FHIT: variants seen among roughly 807,000 people sequenced by gnomAD.
The protein encoded by FHIT is fragile histidine triad diadenosine triphosphatase.
A neutral mutation model predicts 17.9 loss-of-function variants in FHIT; 19 were observed. That is an observed-to-expected ratio of 1.06 (90% confidence interval 0.74 to 1.56). The LOEUF is 1.56. Among genes scored for constraint, FHIT ranks in the 40% most tolerant of loss-of-function variants. FHIT has a pLI of 0.00. For missense variants in FHIT, 248 were observed against 189.2 expected, an observed-to-expected ratio of 1.31 and a Z score of -1.82; for synonymous variants, 81 against 69.7, an observed-to-expected ratio of 1.16 and a Z score of -0.81.
intron 8 of FHIT, among the ~76,000 whole-genome samples, chr3:59,856,773 T>A (rs1267570380): frequency 6.6e-6 from 1 of 151,936 alleles, no homozygotes; most frequent in Non-Finnish European, 1.5e-5. Flanking sequence ...ATTAAGGAAG[T>A]AAACAATATA....
intron 3 of FHIT, among the ~76,000 whole-genome samples, chr3:60,968,006 A>C (rs1355593340): frequency 6.6e-6 from 1 of 152,278 alleles, no homozygotes; most frequent in African/African-American, 2.4e-5. Flanking sequence ...TCAACTAAAA[A>C]AAAATTAGTA....
chr3:60,551,010 G>A (rs554872116), intron 4 of FHIT, among the ~76,000 whole-genome samples: 1 of 152,160 alleles, frequency 6.6e-6, no homozygotes, highest in Non-Finnish European at 1.5e-5. Context: ...TCTCACGTTT[G>A]ATCTGCGAGT....
intron 5 of FHIT, among the ~76,000 whole-genome samples, chr3:60,166,562 G>T (rs1358637452): frequency 6.6e-6 from 1 of 152,096 alleles, no homozygotes; most frequent in African/African-American, 2.4e-5. Context: ...ATCTCCAGTG[G>T]AAAGATGAAG....
At chr3:59,824,139 A>C (rs1700894991) in intron 8 of FHIT, among the ~76,000 whole-genome samples, 1 of 152,204 alleles carries the variant, frequency 6.6e-6, no homozygotes, top group South Asian at 2.1e-4. Flanking sequence ...CCTAACCAAG[A>C]GGTGAAAGAG....
chr3:60,866,890 A>G (rs1308875338), intron 3 of FHIT, among the ~76,000 whole-genome samples: 2 of 152,014 alleles, frequency 1.3e-5, no homozygotes, highest in Non-Finnish European at 2.9e-5. Flanking sequence ...GGTTCCTGTG[A>G]TTTTTCCTCT....
intron 4 of FHIT, among the ~76,000 whole-genome samples, chr3:60,806,969 ACCT>A (rs1397227574): frequency 6.6e-6 from 1 of 152,150 alleles, no homozygotes; most frequent in African/African-American, 2.4e-5. Flanking sequence ...AACATCCCAC[ACCT>A]CCACCATGAC....
chr3:60,085,116 A>T (rs1468299020), intron 5 of FHIT, among the ~76,000 whole-genome samples: 1 of 152,202 alleles, frequency 6.6e-6, no homozygotes, highest in Non-Finnish European at 1.5e-5. Context: ...GCTGGGCCAG[A>T]ATTCCTTCCT....
chr3:60,614,158 A>G (rs2038870142), intron 4 of FHIT, among the ~76,000 whole-genome samples: 1 of 152,182 alleles, frequency 6.6e-6, no homozygotes, highest in Non-Finnish European at 1.5e-5. Context: ...GAATGAGAGT[A>G]AAAACCAAAG....
At chr3:60,277,135 T>G (rs1001487362) in intron 5 of FHIT, among the ~76,000 whole-genome samples, 6 of 152,172 alleles carry the variant, frequency 3.9e-5, no homozygotes, top group Admixed American at 3.3e-4. Flanking sequence ...GTGAAAACAT[T>G]TAAAATTTCA....
At chr3:59,970,667 C>G (rs1179319577) in intron 7 of FHIT, among the ~76,000 whole-genome samples, 1 of 152,044 alleles carries the variant, frequency 6.6e-6, no homozygotes, top group Non-Finnish European at 1.5e-5. Flanking sequence ...TTCAAACGAG[C>G]AGCATATGCT....
At chr3:60,013,962 T>A (rs1399724238) in intron 6 of FHIT, 45 bp downstream of exon 6, 1 of 1,594,216 alleles carries the variant, frequency 6.3e-7, no homozygotes, top group Admixed American at 1.7e-5. Context: ...AATGCCGGGA[T>A]ATGAAAGGGA....
chr3:59,984,601 G>GAATA (rs1486757749), intron 7 of FHIT, among the ~76,000 whole-genome samples: 2 of 152,036 alleles, frequency 1.3e-5, no homozygotes, highest in East Asian at 3.9e-4. Context: ...ATGTGAAATA[G>GAATA]AATAACCTTA....
rs139558913 is a variant in FHIT, at chr3:60,448,739, A to G, written c.103+88121T>C. 2.9e-3 allele frequency among the ~76,000 whole-genome samples: 442 copies of G among 152,252 alleles called. 1 individual carries two copies. The highest frequency in any genetic ancestry group is 4.7e-3 in the Non-Finnish European group (318 of 68,020). On this transcript the variant is annotated intron_variant, in intron 5 of 9. Coordinates refer to ENST00000492590, the MANE Select transcript of FHIT (RefSeq NM_002012.4). ...TTATGGACACGTGCCTTTCCTAGCTATTCTTAAATTCTGAGCTTAATATAA... is the reference window on the plus strand; with the variant it reads ...TTATGGACACGTGCCTTTCCTAGCTGTTCTTAAATTCTGAGCTTAATATAA...
chr3:61,088,139 A>G (rs532632452), intron 2 of FHIT, among the ~76,000 whole-genome samples: 1 of 152,270 alleles, frequency 6.6e-6, no homozygotes, highest in African/African-American at 2.4e-5. Context: ...CCCTCAAGTT[A>G]AAAAGTCAAA....
intron 4 of FHIT, among the ~76,000 whole-genome samples, chr3:60,627,649 G>C (rs1175709030): frequency 2.6e-5 from 4 of 152,024 alleles, no homozygotes; most frequent in African/African-American, 9.7e-5. Flanking sequence ...TCAGCTTCCC[G>C]AGTAGCTGGG....
At chr3:61,203,461 C>A (rs1200757454) in intron 1 of FHIT, among the ~76,000 whole-genome samples, 2 of 151,148 alleles carry the variant, frequency 1.3e-5, no homozygotes, top group African/African-American at 4.9e-5. Context: ...TTAGTGCTCA[C>A]AGTAGTTTAC....
chr3:60,425,537 T>C (rs951366883), intron 5 of FHIT, among the ~76,000 whole-genome samples: 10 of 151,922 alleles, frequency 6.6e-5, no homozygotes, highest in African/African-American at 2.4e-4. Context: ...AACCTAGCAG[T>C]TAAAAAAAGA....
intron 4 of FHIT, among the ~76,000 whole-genome samples, chr3:60,729,433 A>T (rs1735475): frequency 0.68 from 103,678 of 152,040 alleles, 35,604 homozygotes; most frequent in East Asian, 0.89. Context: ...GTCCTAAGGT[A>T]CAATGTAAAA....
At chr3:61,211,894 C>A (rs1031174326) in intron 1 of FHIT, among the ~76,000 whole-genome samples, 3 of 152,236 alleles carry the variant, frequency 2.0e-5, no homozygotes, top group African/African-American at 7.2e-5. Flanking sequence ...CCCAGGCAAA[C>A]AGAGTCTGGA....
Sources: gnomAD v4.1 joint callset for allele counts (sites outside exome capture counted in the v4.1 genomes callset) on GRCh38, gnomAD v4.1.1 for gene constraint, MANE v1.5 for transcripts, NCBI Gene and HGNC (gene_info 2026-07-23, HGNC 2026-07-21) for gene names.